NCOA1: variants seen among roughly 807,000 people sequenced by gnomAD.
NCOA1 encodes Hin-2 protein.
In NCOA1, 35 loss-of-function variants were observed where a neutral mutation model predicts 150.9. The ratio of observed to expected loss-of-function variants is 0.23; its 90% confidence interval spans 0.18 to 0.31. The LOEUF is 0.31. NCOA1 is among the 10% of genes least tolerant of loss of function. The pLI, the probability that NCOA1 is intolerant of heterozygous loss-of-function variation, is 1.00. For synonymous variants in NCOA1, 590 were observed against 630.0 expected, an observed-to-expected ratio of 0.94 and a Z score of 0.95; for missense variants, 1,491 against 1,749.3, an observed-to-expected ratio of 0.85 and a Z score of 2.63.
At chr2:24,609,377 C>T (rs1304225095) in intron 3 of NCOA1, among the ~76,000 whole-genome samples, 1 of 152,128 alleles carries the variant, frequency 6.6e-6, no homozygotes, top group Non-Finnish European at 1.5e-5. Context: ...TTTGCTTTGT[C>T]AGTTGTTAAG....
Position 24,769,237 on chromosome 2 carries a change from A to G in NCOA1, c.*846A>G, listed in dbSNP as rs1665215318. On this transcript the variant is annotated 3_prime_UTR_variant, in exon 23 of 23. Coordinates refer to ENST00000348332, the MANE Select transcript of NCOA1 (RefSeq NM_003743.5). ...AGTTATTTAAAATAAAATTAAATTT[A>G]TGATCCAAGTAGCTTATTTTTCCCT... 1.1e-5 allele frequency: 2 copies of G among 189,672 alleles called. No individual in the cohort carries two copies. Among genetic ancestry groups the G allele is most frequent in the South Asian group, 1.9e-4 (1 of 5,150 alleles). 11.7% of individuals were successfully genotyped at this position (189,672 alleles called of 1,614,324 possible).
chr2:24,518,356 A>G (rs1168659274), intron 1 of NCOA1, among the ~76,000 whole-genome samples: 1 of 152,180 alleles, frequency 6.6e-6, no homozygotes, highest in Non-Finnish European at 1.5e-5. Context: ...AATGGAGCAT[A>G]TTTATGAAAA....
At chr2:24,521,182 GATATAT>G (rs920152468) in intron 1 of NCOA1, among the ~76,000 whole-genome samples, 1 of 152,096 alleles carries the variant, frequency 6.6e-6, no homozygotes, top group East Asian at 1.9e-4. Flanking sequence ...ATGGTATTTT[GATATAT>G]ATATGTGTTG....
chr2:24,753,839 C>A (rs1052009758), intron 20 of NCOA1, among the ~76,000 whole-genome samples: 1 of 152,128 alleles, frequency 6.6e-6, no homozygotes, highest in Non-Finnish European at 1.5e-5. Flanking sequence ...CAAATTTAAA[C>A]CTCCAGTGCA....
chr2:24,733,196 A>G (rs1663108399), intron 17 of NCOA1, among the ~76,000 whole-genome samples: 1 of 152,208 alleles, frequency 6.6e-6, no homozygotes, highest in Non-Finnish European at 1.5e-5. Flanking sequence ...GTTTAAAGTT[A>G]TATAGTTAAA....
intron 8 of NCOA1, among the ~76,000 whole-genome samples, chr2:24,687,383 G>T (rs1672455451): frequency 6.6e-6 from 1 of 151,280 alleles, no homozygotes. Flanking sequence ...TTTTATTTTA[G>T]ATTCAGTGGT....
At chr2:24,563,784 C>G (rs1666387609) in intron 1 of NCOA1, among the ~76,000 whole-genome samples, 1 of 152,164 alleles carries the variant, frequency 6.6e-6, no homozygotes, top group African/African-American at 2.4e-5. Flanking sequence ...TCCCAAAGTG[C>G]TGGGATTACA....
At chr2:24,703,036 G>A (rs1195907666) in intron 11 of NCOA1, among the ~76,000 whole-genome samples, 1 of 152,064 alleles carries the variant, frequency 6.6e-6, no homozygotes, top group Non-Finnish European at 1.5e-5. Flanking sequence ...GTATTTGTTG[G>A]GTTTTTTTCC....
At chr2:24,510,604 G>A (rs140708707) in intron 1 of NCOA1, among the ~76,000 whole-genome samples, 242 of 152,238 alleles carry the variant, frequency 1.6e-3, no homozygotes, top group Middle Eastern at 6.8e-3. Flanking sequence ...CAGCCTCTTC[G>A]TAATCCCAGA....
At chr2:24,723,135 G>A (rs990332757) in intron 14 of NCOA1, among the ~76,000 whole-genome samples, 2 of 151,956 alleles carry the variant, frequency 1.3e-5, no homozygotes, top group African/African-American at 4.8e-5. Context: ...TTTCCTGGCA[G>A]TATCGTTTTT....
intron 3 of NCOA1, among the ~76,000 whole-genome samples, chr2:24,618,052 C>T (rs1454419719): frequency 5.3e-5 from 8 of 152,054 alleles, no homozygotes; most frequent in Admixed American, 5.2e-4. Context: ...AGAAAGAATG[C>T]ATATGCAGAT....
intron 22 of NCOA1, among the ~76,000 whole-genome samples, chr2:24,763,322 A>G (rs1163663723): frequency 2.0e-5 from 3 of 151,882 alleles, no homozygotes; most frequent in Non-Finnish European, 4.4e-5. Flanking sequence ...GGCGGATCAC[A>G]AGGTCAGGAG....
intron 6 of NCOA1, among the ~76,000 whole-genome samples, chr2:24,671,261 A>C (rs1437437536): frequency 6.6e-6 from 1 of 152,154 alleles, no homozygotes; most frequent in African/African-American, 2.4e-5. Flanking sequence ...GGAAAAAGTA[A>C]GTTGAAAAAG....
At chr2:24,606,123 A>G (rs1668350884) in intron 3 of NCOA1, among the ~76,000 whole-genome samples, 1 of 152,124 alleles carries the variant, frequency 6.6e-6, no homozygotes, top group South Asian at 2.1e-4. Context: ...ATTTAATCTG[A>G]TGTTTTACCA....
intron 1 of NCOA1, among the ~76,000 whole-genome samples, chr2:24,552,179 A>T (rs892403589): frequency 6.6e-6 from 1 of 151,252 alleles, no homozygotes; most frequent in Admixed American, 6.6e-5. Flanking sequence ...CAGTTTTTTT[A>T]AAAAGCCTGC....
intron 3 of NCOA1, among the ~76,000 whole-genome samples, chr2:24,591,426 T>C (rs1012345662): frequency 6.6e-6 from 1 of 152,224 alleles, no homozygotes; most frequent in East Asian, 1.9e-4. Flanking sequence ...ATCTTTCTTA[T>C]AGATTGTTCT....
intron 2 of NCOA1, among the ~76,000 whole-genome samples, chr2:24,577,005 T>A (rs1667017388): frequency 6.6e-6 from 1 of 152,224 alleles, no homozygotes; most frequent in African/African-American, 2.4e-5. Flanking sequence ...TATTTCTGTT[T>A]GCTGGTATTT....
At chr2:24,514,786 GA>G in intron 1 of NCOA1, among the ~76,000 whole-genome samples, 1 of 151,364 alleles carries the variant, frequency 6.6e-6, no homozygotes, top group East Asian at 1.9e-4. Flanking sequence ...AAAAAAACAA[GA>G]AAAAAAAGTA....
intron 1 of NCOA1, among the ~76,000 whole-genome samples, chr2:24,531,416 A>G (rs1387235553): frequency 1.3e-5 from 2 of 151,908 alleles, no homozygotes; most frequent in East Asian, 1.9e-4. Flanking sequence ...AAAATAATCT[A>G]TTTTGCAGCA....
Sources: allele counts gnomAD v4.1 joint callset (sites outside exome capture counted in the v4.1 genomes callset), GRCh38; gene constraint gnomAD v4.1.1; transcripts MANE v1.5; gene names NCBI Gene and HGNC (gene_info 2026-07-23, HGNC 2026-07-21).